PLEKHH1: variants seen among roughly 807,000 people sequenced by gnomAD.
The protein encoded by PLEKHH1 is pleckstrin homology, MyTH4 and FERM domain containing H1, also known as pleckstrin homology domain-containing family H member 1.
Under a neutral mutation model 160.0 loss-of-function variants are expected in PLEKHH1, and 104 were observed. The observed-to-expected ratio is 0.65, with a 90% confidence interval of 0.55 to 0.76. PLEKHH1 has a LOEUF of 0.76. Ranked by LOEUF, PLEKHH1 falls within the 30% of genes least tolerant of loss-of-function variation. PLEKHH1 has a pLI of 0.00. For missense variants in PLEKHH1, 1,427 were observed against 1,724.1 expected, an observed-to-expected ratio of 0.83 and a Z score of 3.05; for synonymous variants, 619 against 678.4, an observed-to-expected ratio of 0.91 and a Z score of 1.36.
At chr14:67,586,151 G>A (rs1242754433) in intron 28 of PLEKHH1, 54 bp downstream of exon 28, 1 of 1,596,904 alleles carries the variant, frequency 6.3e-7, no homozygotes, top group African/African-American at 1.3e-5. Context: ...GGTGGGCTTG[G>A]AGCTTAGAAA....
At position 67,581,384 on chromosome 14, in the gene PLEKHH1, G is replaced by A. The variant is rs185761453; in HGVS notation, c.3284+346G>A. 1.8e-4 allele frequency among the ~76,000 whole-genome samples: 27 copies of A among 152,220 alleles called. No individual in the cohort carries two copies. The East Asian group carries it at 4.2e-3, about 24-fold the overall frequency. ...TACAAAAAATGCAAAAATTAGCTGGGCATGGTGGCATGTACCTGTAGTCCC... is the reference window on the plus strand; with the variant it reads ...TACAAAAAATGCAAAAATTAGCTGGACATGGTGGCATGTACCTGTAGTCCC... On this transcript the variant is annotated intron_variant, in intron 23 of 28. Coordinates refer to ENST00000329153, the MANE Select transcript of PLEKHH1 (RefSeq NM_020715.3).
At chr14:67,534,886 G>A (rs184075160) in intron 1 of PLEKHH1, among the ~76,000 whole-genome samples, 1 of 152,212 alleles carries the variant, frequency 6.6e-6, no homozygotes, top group Non-Finnish European at 1.5e-5. Flanking sequence ...GATATACTCT[G>A]ATGTATATGA....
At position 67,583,599 on chromosome 14, in the gene PLEKHH1, G is replaced by A. The variant is rs899750520; in HGVS notation, c.3427-142G>A. On this transcript the variant is annotated intron_variant, in intron 24 of 28. Coordinates refer to ENST00000329153, the MANE Select transcript of PLEKHH1 (RefSeq NM_020715.3). ...GTGTCTATAAAACTTGAGATGAAGC[G>A]TTTTTCTAAAGTATTTTTCACAACC... The A allele has an allele frequency of 2.8e-5, 16 of 574,936 alleles. 1 individual carries two copies. The highest frequency in any genetic ancestry group is 6.8e-5 in the Admixed American group (2 of 29,328). The allele number at this position is 574,936 out of a possible 1,614,324, so 35.6% of individuals were successfully genotyped here.
At position 67,584,042 on chromosome 14, in the gene PLEKHH1, G is replaced by T. The variant is rs752088173; in HGVS notation, c.3617G>T (p.Cys1206Phe). 2.5e-6 allele frequency: 4 copies of T among 1,614,018 alleles called. No homozygotes were observed. The highest frequency in any genetic ancestry group is 8.5e-7 in the Non-Finnish European group (1 of 1,179,900). The part of the protein sequence containing the change: ...LTTKWATLQG[C>F]SPPECIRIYL... ...ACAAAATGGGCAACATTGCAAGGAT[G>T]CTCCCCTCCTGAGTGCATCCGCATC... The change falls in exon 26 of 29, where the codon TGC (cysteine) becomes TTC (phenylalanine). Residue 1206 changes from cysteine (C) to phenylalanine (F), a missense_variant. Physicochemically the swap from Cys to Phe is radical, Grantham distance 205 (BLOSUM62 -2). Around this residue, in one of 6 missense-constraint regions of PLEKHH1, gnomAD observed 436 missense variants for 607.5 expected, o/e 0.72. Transcript: ENST00000329153.
rs767330194 is a variant in PLEKHH1 at position 67,571,882 on chromosome 14, G to GC, written c.1570dup (p.Arg524ProfsTer17). Reference sequence around the variant, plus strand: ...TCCAGGAAGACCAGCGGACTAGGCAGCCCCCGGGCCATCAAGAGAGGTACA... The same window carrying GC: ...TCCAGGAAGACCAGCGGACTAGGCAGCCCCCCGGGCCATCAAGAGAGGTACA... On this transcript the variant is annotated frameshift_variant, in exon 10 of 29. Coordinates refer to ENST00000329153, the MANE Select transcript of PLEKHH1 (RefSeq NM_020715.3). LOFTEE classifies it high-confidence loss of function. 48 of 1,611,482 alleles carry GC rather than the reference G, an allele frequency of 3.0e-5. No homozygotes were observed. Among genetic ancestry groups the GC allele is most frequent in the Non-Finnish European group, 3.9e-5 (46 of 1,178,820 alleles).
chr14:67,563,441 TG>T (rs1369018520), intron 7 of PLEKHH1, among the ~76,000 whole-genome samples: 2 of 141,544 alleles, frequency 1.4e-5, no homozygotes, highest in East Asian at 4.2e-4. Context: ...TTTTGGGGGG[TG>T]GGGGTGAGGG....
intron 27 of PLEKHH1, 125 bp downstream of exon 27, chr14:67,585,779 G>A (rs968432395): frequency 1.1e-5 from 11 of 992,392 alleles, no homozygotes; most frequent in African/African-American, 1.6e-5. Context: ...TCCTGCCCAA[G>A]CACCAGTCCT....
chr14:67,552,723 C>T (rs1435179582), intron 2 of PLEKHH1, among the ~76,000 whole-genome samples: 2 of 151,150 alleles, frequency 1.3e-5, no homozygotes, highest in South Asian at 4.2e-4. Context: ...GCCGAGATCG[C>T]ACCACTGCAC....
At chr14:67,559,535 G>A in intron 4 of PLEKHH1, 73 bp from the exon 5 acceptor site, 3 of 1,059,956 alleles carry the variant, frequency 2.8e-6, no homozygotes, top group South Asian at 2.7e-5. Context: ...GCCTTTCTTG[G>A]GGTTTCCCAC....
intron 4 of PLEKHH1, among the ~76,000 whole-genome samples, chr14:67,558,100 C>T (rs1260099626): frequency 6.6e-6 from 1 of 152,214 alleles, no homozygotes; most frequent in African/African-American, 2.4e-5. Context: ...CCTGAGAGGA[C>T]TTCTGGAACA....
At chr14:67,545,332 A>G (rs983657405) in intron 2 of PLEKHH1, among the ~76,000 whole-genome samples, 1 of 152,236 alleles carries the variant, frequency 6.6e-6, no homozygotes, top group African/African-American at 2.4e-5. Context: ...CTGAATAACT[A>G]TGCGCTCAGC....
At chr14:67,556,279 T>C (rs1028887027) in intron 3 of PLEKHH1, among the ~76,000 whole-genome samples, 1 of 152,134 alleles carries the variant, frequency 6.6e-6, no homozygotes, top group Admixed American at 6.6e-5. Flanking sequence ...GCCTTCTTGG[T>C]TGCCATGGCA....
At chr14:67,546,679 C>T (rs146572028) in intron 2 of PLEKHH1, among the ~76,000 whole-genome samples, 1,953 of 152,254 alleles carry the variant, frequency 0.013, 42 homozygotes, top group African/African-American at 0.045. Flanking sequence ...CGTGAGCCAC[C>T]GTGCCCAGGC....
At chr14:67,569,602 G>A (rs1340450963) in intron 8 of PLEKHH1, 10 of 452,232 alleles carry the variant, frequency 2.2e-5, no homozygotes, top group South Asian at 2.6e-5. Flanking sequence ...TCTCCACAAC[G>A]AGGGCTGTGG....
At chr14:67,572,424 G>T in intron 11 of PLEKHH1, 147 bp downstream of exon 11, 1 of 644,758 alleles carries the variant, frequency 1.6e-6, no homozygotes. Flanking sequence ...GGCTGGGGGG[G>T]TGTACAGTTA....
At chr14:67,571,666 C>A in intron 9 of PLEKHH1, 86 bp from the exon 10 acceptor site, 1 of 1,405,194 alleles carries the variant, frequency 7.1e-7, no homozygotes, top group Non-Finnish European at 1.0e-6. Flanking sequence ...ACACCATGGG[C>A]ACTTGGACCA....
rs747081383 is a variant in PLEKHH1, at chr14:67,555,892, C to T, written c.189+5C>T. 3.1e-6 allele frequency: 5 copies of T among 1,613,162 alleles called. No homozygotes were observed. On this transcript the variant is annotated splice_donor_5th_base_variant and intron_variant, in intron 3 of 28. Transcript: ENST00000329153. ...GCAGAGAACGCTGAGACCCAGGTAA[C>T]CAGGGGAGGGGATCGGCGGGAATAT...
In PLEKHH1 at chr14:67,576,685, C is replaced by G. The variant is rs1203095309; in HGVS notation, c.2461+182C>G. On this transcript the variant is annotated intron_variant, in intron 17 of 28. Transcript: ENST00000329153. The surrounding 1 kb of genome is among the most constrained non-coding windows in gnomAD (Gnocchi z 4.0). ...GTCTCCGGCTGAGATACTAAGGTGACCACTCTGCATCTGGGGGAGTTTATC... is the reference window on the plus strand; with the variant it reads ...GTCTCCGGCTGAGATACTAAGGTGAGCACTCTGCATCTGGGGGAGTTTATC... 3.3e-5 allele frequency among the ~76,000 whole-genome samples: 5 copies of G among 152,182 alleles called. No individual in the cohort carries two copies. Among genetic ancestry groups the G allele is most frequent in the Non-Finnish European group, 4.4e-5 (3 of 68,026 alleles).
intron 5 of PLEKHH1, among the ~76,000 whole-genome samples, chr14:67,560,123 T>C (rs1307112387): frequency 6.6e-6 from 1 of 152,046 alleles, no homozygotes; most frequent in Non-Finnish European, 1.5e-5. Flanking sequence ...GCCTCCCGGG[T>C]TCAACCGATT....
Sources: allele counts gnomAD v4.1 joint callset (sites outside exome capture counted in the v4.1 genomes callset), GRCh38; gene constraint gnomAD v4.1.1; regional missense constraint gnomAD v4.1.1; non-coding constraint Gnocchi (gnomAD v3.1); transcripts MANE v1.5; gene names NCBI Gene and HGNC (gene_info 2026-07-23, HGNC 2026-07-21).